The following STON2 variants were observed in gnomAD, a reference collection of about 807,000 sequenced individuals.
The protein encoded by STON2 is stonin-2.
A neutral mutation model predicts 65.7 loss-of-function variants in STON2; 29 were observed. That is an observed-to-expected ratio of 0.44 (90% CI 0.33 to 0.60). STON2 has a LOEUF of 0.60. Ranked by LOEUF, STON2 falls within the 20% of genes least tolerant of loss-of-function variation. STON2 has a pLI of 0.03. For synonymous variants in STON2, 404 were observed against 414.2 expected, an observed-to-expected ratio of 0.98 and a Z score of 0.30; for missense variants, 1,054 against 1,118.1, an observed-to-expected ratio of 0.94 and a Z score of 0.82.
rs561228172 is a variant in STON2 at position 81,271,403 on chromosome 14, T to C, written c.2582-531A>G. ...GGACTTTATAAATAGCACATAGATA[T>C]TAGGGAAGCATATGGAACACTGGAC... On this transcript the variant is annotated intron_variant, in intron 6 of 7. Transcript: ENST00000614646. Among the ~76,000 whole-genome samples, 9 of 152,304 alleles carry C rather than the reference T, an allele frequency of 5.9e-5. 2 individuals carry two copies. Among genetic ancestry groups the C allele is most frequent in the African/African-American group, 2.2e-4 (9 of 41,558 alleles).
chr14:81,329,985 C>T (rs566140347), intron 4 of STON2, among the ~76,000 whole-genome samples: 6 of 152,288 alleles, frequency 3.9e-5, no homozygotes, highest in East Asian at 1.9e-4. Flanking sequence ...AGGCAGCTTC[C>T]GTCTTCCTCC....
At chr14:81,298,423 G>GT (rs145408882) in intron 5 of STON2, among the ~76,000 whole-genome samples, 1 of 72,980 alleles carries the variant, frequency 1.4e-5, no homozygotes, top group African/African-American at 4.2e-5. Context: ...ATGGGGGGGG[G>GT]GAATCACAGA....
At chr14:81,327,546 A>C (rs1438842112) in intron 4 of STON2, among the ~76,000 whole-genome samples, 1 of 152,150 alleles carries the variant, frequency 6.6e-6, no homozygotes, top group Non-Finnish European at 1.5e-5. Flanking sequence ...GCGTTTGATA[A>C]GTTCTGGTAT....
chr14:81,389,406 T>C (rs1899972261), intron 3 of STON2, among the ~76,000 whole-genome samples: 1 of 152,200 alleles, frequency 6.6e-6, no homozygotes, highest in East Asian at 1.9e-4. Flanking sequence ...TCTTGCGTTA[T>C]CCATGCTAAA....
At chr14:81,385,219 C>A (rs1363821745) in intron 3 of STON2, among the ~76,000 whole-genome samples, 2 of 152,246 alleles carry the variant, frequency 1.3e-5, no homozygotes, top group Non-Finnish European at 2.9e-5. Context: ...GGTGAGCTTG[C>A]ACATTCTCTG....
intron 5 of STON2, among the ~76,000 whole-genome samples, chr14:81,290,828 T>C (rs1402066427): frequency 1.3e-5 from 2 of 152,234 alleles, no homozygotes; most frequent in East Asian, 3.8e-4. Context: ...TCTCTTTTAG[T>C]TACCAAGATC....
rs1894280972 is a variant in STON2 at position 81,264,487 on chromosome 14, G to A, written c.*3927C>T. 2 of 985,250 alleles carry A rather than the reference G, an allele frequency of 2.0e-6. No individual in the cohort carries two copies. Among genetic ancestry groups the A allele is most frequent in the African/African-American group, 1.7e-5 (1 of 57,202 alleles). 61.0% of individuals were successfully genotyped at this position (985,250 alleles called of 1,614,324 possible). On this transcript the variant is annotated 3_prime_UTR_variant, in exon 8 of 8. Transcript: ENST00000614646. Reference sequence around the variant, plus strand: ...TTTGCCCTCCTGGCAAGCATTTAAGGTGGCTGAACCCTATTATATTCCAAG... The same window carrying A: ...TTTGCCCTCCTGGCAAGCATTTAAGATGGCTGAACCCTATTATATTCCAAG...
At chr14:81,372,819 C>T (rs1226843100) in intron 3 of STON2, among the ~76,000 whole-genome samples, 1 of 151,898 alleles carries the variant, frequency 6.6e-6, no homozygotes, top group South Asian at 2.1e-4. Context: ...GCCGGGAAAA[C>T]CAAAACAAAT....
At chr14:81,401,862 G>A (rs541455121), upstream of STON2, among the ~76,000 whole-genome samples, 2 of 152,224 alleles carry the variant, frequency 1.3e-5, no homozygotes, top group East Asian at 1.9e-4. Context: ...CAGTTTAGCC[G>A]TAGGGAGATC....
At chr14:81,288,713 T>C (rs1484502146) in intron 5 of STON2, among the ~76,000 whole-genome samples, 1 of 151,900 alleles carries the variant, frequency 6.6e-6, no homozygotes, top group Non-Finnish European at 1.5e-5. Flanking sequence ...CTATATGGTA[T>C]GAAAAGAAGT....
chr14:81,383,923 C>G (rs58497627), intron 3 of STON2, among the ~76,000 whole-genome samples: 1 of 152,208 alleles, frequency 6.6e-6, no homozygotes, highest in East Asian at 1.9e-4. Flanking sequence ...ACCTGTGTGT[C>G]TGAGTCTCTG....
intron 3 of STON2, among the ~76,000 whole-genome samples, chr14:81,378,123 GGCATGAGCCACCACACCCA>G (rs1218532477): frequency 1.4e-5 from 2 of 147,730 alleles, no homozygotes; most frequent in Non-Finnish European, 3.0e-5. Flanking sequence ...TGGGATTACA[GGCATGAGCCACCACACCCA>G]GCCTAGCCCA....
At position 81,277,108 on chromosome 14, in the gene STON2, G is replaced by A. The variant is rs372715988; in HGVS notation, c.2374C>T (p.Pro792Ser). 39 of 1,614,066 alleles carry A rather than the reference G, an allele frequency of 2.4e-5. No homozygotes were observed. Among genetic ancestry groups the A allele is most frequent in the Non-Finnish European group, 3.3e-5 (39 of 1,180,056 alleles). The change falls in exon 6 of 8, where the codon CCC becomes TCC. Residue 792 changes from proline (P) to serine (S), a missense_variant. Transcript: ENST00000614646. ...CENVMIRYPV[P>S]SEWVKNFRRE... The stretch of plus-strand genomic sequence containing the variant: ...CGGAAGTTTTTCACCCACTCACTGG[G>A]CACAGGGTAACGGATCATCACATTC...
At chr14:81,322,683 A>G (rs1896863929) in intron 5 of STON2, among the ~76,000 whole-genome samples, 1 of 152,182 alleles carries the variant, frequency 6.6e-6, no homozygotes, top group South Asian at 2.1e-4. Context: ...CATTCACCCT[A>G]AGAGAGAAAT....
At chr14:81,380,347 T>C (rs1192965438) in intron 3 of STON2, among the ~76,000 whole-genome samples, 1 of 152,186 alleles carries the variant, frequency 6.6e-6, no homozygotes, top group African/African-American at 2.4e-5. Context: ...TAATAGATGC[T>C]GTTGAGGTTG....
rs1894149248 is a variant in STON2 at position 81,261,647 on chromosome 14, C to T, written c.*6767G>A. On this transcript the variant is annotated 3_prime_UTR_variant, in exon 8 of 8. Coordinates refer to ENST00000614646, the MANE Select transcript of STON2 (RefSeq NM_001394390.1). ...CCTTCAATTTTCACAATATTTTATA[C>T]AAAATGACAAATATATATATACCTC... 5 of 838,556 alleles carry T rather than the reference C, an allele frequency of 6.0e-6. No individual in the cohort carries two copies. Among genetic ancestry groups the T allele is most frequent in the Middle Eastern group, 3.0e-4 (1 of 3,374 alleles). 51.9% of individuals were successfully genotyped at this position (838,556 alleles called of 1,614,324 possible).
At chr14:81,427,820 C>T (rs1239289850) in intron 1 of STON2, among the ~76,000 whole-genome samples, 1 of 152,148 alleles carries the variant, frequency 6.6e-6, no homozygotes, top group Non-Finnish European at 1.5e-5. Context: ...CAGGCATCTC[C>T]CAGGGTGTGG....
Position 81,324,048 on chromosome 14 carries a change from G to A in STON2, c.711C>T (p.Gly237=), listed in dbSNP as rs535607485. Residue 237 remains glycine (G), a synonymous_variant, in exon 5 of 8, where the codon GGC becomes GGT. Transcript: ENST00000614646. ...GAGCAGAGGCCCCCTCCGGACCCTCGCCGGGGTTCTGGCTCCTCTTGGGCT... is the reference window on the plus strand; with the variant it reads ...GAGCAGAGGCCCCCTCCGGACCCTCACCGGGGTTCTGGCTCCTCTTGGGCT... The part of the protein sequence containing the change: ...SPQPKRSQNP[G]EGPEGASAPN... Among the ~76,000 whole-genome samples the A allele has an allele frequency of 6.6e-5, 10 of 152,326 alleles. No individual in the cohort carries two copies. The East Asian group carries it at 1.7e-3, about 26-fold the overall frequency.
Position 81,334,631 on chromosome 14 carries a change from T to C in STON2, c.572-10444A>G, listed in dbSNP as rs73339719. Among the ~76,000 whole-genome samples, 1,492 of 152,310 alleles carry C rather than the reference T, an allele frequency of 9.8e-3. 34 individuals are homozygous for C. The highest frequency in any genetic ancestry group is 0.034 in the African/African-American group (1,408 of 41,564). On this transcript the variant is annotated intron_variant, in intron 4 of 7. Transcript: ENST00000614646. The stretch of plus-strand genomic sequence containing the variant: ...GGGCACCTAGAAAGAAAGAGGGACA[T>C]GTCCTTTTGTAGGGTATGAAGCACA...
Sources: allele counts gnomAD v4.1 joint callset (sites outside exome capture counted in the v4.1 genomes callset), GRCh38; gene constraint gnomAD v4.1.1; transcripts MANE v1.5; gene names NCBI Gene and HGNC (gene_info 2026-07-23, HGNC 2026-07-21).